NVL: variants seen among roughly 807,000 people sequenced by gnomAD.
NVL encodes the protein nuclear VCP like, also known as nuclear valosin-containing protein-like.
A neutral mutation model predicts 110.2 loss-of-function variants in NVL; 84 were observed. That is an observed-to-expected ratio of 0.76 (90% confidence interval 0.64 to 0.91). NVL has a LOEUF of 0.91. Ranked by LOEUF, NVL falls within the 40% of genes least tolerant of loss-of-function variation. The probability of loss-of-function intolerance (pLI) is 0.00; values close to 1 mark genes in which losing one functional copy is unlikely to be tolerated. For synonymous variants in NVL, 354 were observed against 361.1 expected (o/e 0.98, Z 0.22); for missense variants, 882 against 1,035.9 (o/e 0.85, Z 2.04).
intron 11 of NVL, among the ~76,000 whole-genome samples, chr1:224,295,255 C>A (rs1447639382): frequency 6.6e-6 from 1 of 151,840 alleles, no homozygotes; most frequent in Non-Finnish European, 1.5e-5. Context: ...TGCAGTGGCA[C>A]CATCTCAGCT....
chr1:224,241,673 T>C (rs1477552429), intron 19 of NVL, among the ~76,000 whole-genome samples: 2 of 152,058 alleles, frequency 1.3e-5, no homozygotes. Context: ...CTGGCCAATA[T>C]GGTGAAACAC....
At position 224,233,271 on chromosome 1, in the gene NVL, A is replaced by G. The variant is rs1487661348; in HGVS notation, c.2385T>C (p.Ala795=). The G allele has an allele frequency of 2.5e-6, 4 of 1,612,024 alleles. No individual in the cohort carries two copies. The highest frequency in any genetic ancestry group is 3.3e-5 in the Admixed American group (2 of 59,740). The change falls in exon 21 of 23, where the codon GCT becomes GCC. Residue 795 remains alanine (A), a synonymous_variant. Transcript: ENST00000281701. Reference sequence around the variant, plus strand: ...CACAGATAGAAGCTTCTCGTACCAAAGCAGAGAGATCTGCGCCCCTACAAT... The same window carrying G: ...CACAGATAGAAGCTTCTCGTACCAAGGCAGAGAGATCTGCGCCCCTACAAT... ...CDCYTGADLS[A]LVREASICAL...
intron 10 of NVL, 28 bp downstream of exon 10, chr1:224,300,534 A>G: frequency 6.5e-7 from 1 of 1,547,382 alleles, no homozygotes; most frequent in South Asian, 1.1e-5. Context: ...GCGTCTGACC[A>G]CCTGGCATTA....
chr1:224,244,809 T>G (rs1232379449), intron 19 of NVL, among the ~76,000 whole-genome samples: 1 of 152,044 alleles, frequency 6.6e-6, no homozygotes, highest in Non-Finnish European at 1.5e-5. Flanking sequence ...TGCCTCAGCC[T>G]CCTGAGTAGC....
Position 224,236,500 on chromosome 1 carries a change from AC to A in NVL, c.2366+5del. ...GAGTGAATTGACTTAAGATTTAAACACTTACGTATAGCAATCACAGCGAAGG... is the reference window on the plus strand; with the variant it reads ...GAGTGAATTGACTTAAGATTTAAACATTACGTATAGCAATCACAGCGAAGG... On this transcript the variant is annotated splice_donor_5th_base_variant and intron_variant, in intron 20 of 22. Transcript: ENST00000281701. 1 of 1,609,208 alleles carries A rather than the reference AC, an allele frequency of 6.2e-7. No homozygotes were observed. The highest frequency in any genetic ancestry group is 8.5e-7 in the Non-Finnish European group (1 of 1,175,556).
chr1:224,327,529 G>A (rs1572089001), intron 1 of NVL, among the ~76,000 whole-genome samples: 2 of 152,152 alleles, frequency 1.3e-5, no homozygotes, highest in Non-Finnish European at 2.9e-5. Flanking sequence ...CAGGCTATGT[G>A]TGTAAGGTGT....
In NVL at chr1:224,294,431, G is replaced by A; in HGVS notation, c.1181-20C>T. On this transcript the variant is annotated intron_variant, in intron 11 of 22. Transcript: ENST00000281701. ...TCAGATCTAGTAAGAGACAGAGAAA[G>A]AGTAGTGAACAAAGCACTTGACACT... The A allele has an allele frequency of 6.2e-6, 10 of 1,613,272 alleles. No homozygotes were observed. The highest frequency in any genetic ancestry group is 8.5e-6 in the Non-Finnish European group (10 of 1,179,712).
At chr1:224,319,409 G>A (rs1446886506) in intron 2 of NVL, among the ~76,000 whole-genome samples, 1 of 151,702 alleles carries the variant, frequency 6.6e-6, no homozygotes, top group East Asian at 2.0e-4. Flanking sequence ...CGGGGTTCAC[G>A]CCATTCTCCT....
intron 4 of NVL, among the ~76,000 whole-genome samples, chr1:224,313,367 A>T (rs146934166): frequency 9.9e-5 from 15 of 152,160 alleles, no homozygotes; most frequent in Middle Eastern, 3.4e-3. Context: ...AGAAGAAAAA[A>T]GTGTAAGTAA....
intron 19 of NVL, among the ~76,000 whole-genome samples, chr1:224,239,852 C>T (rs750771377): frequency 6.6e-6 from 1 of 152,032 alleles, no homozygotes; most frequent in Non-Finnish European, 1.5e-5. Flanking sequence ...TCAGAAATAC[C>T]GTTAAAGACA....
intron 16 of NVL, among the ~76,000 whole-genome samples, chr1:224,275,741 CA>C (rs202132174): frequency 1.3e-5 from 2 of 151,848 alleles, no homozygotes; most frequent in Non-Finnish European, 2.9e-5. Flanking sequence ...TTCTCTAGCT[CA>C]AAAAAAATCA....
At chr1:224,245,002 A>G (rs1661654704) in intron 19 of NVL, among the ~76,000 whole-genome samples, 1 of 152,126 alleles carries the variant, frequency 6.6e-6, no homozygotes. Flanking sequence ...CTCTTCTTTT[A>G]CAAAACTTAG....
At chr1:224,324,718 T>A (rs914914016) in intron 2 of NVL, among the ~76,000 whole-genome samples, 1 of 152,228 alleles carries the variant, frequency 6.6e-6, no homozygotes, top group African/African-American at 2.4e-5. Flanking sequence ...AGTCCTTGCA[T>A]CTGGCCTGAT....
rs1180947943 is a variant in NVL at position 224,289,699 on chromosome 1, G to A, written c.1360C>T (p.Pro454Ser). The change falls in exon 13 of 23, where the codon CCT becomes TCT. Residue 454 changes from proline to serine, a missense_variant. Coordinates refer to ENST00000281701, the MANE Select transcript of NVL (RefSeq NM_002533.4). ...LQTLCRKLRL[P>S]QAFDFCHLAH... ...AAGTGACAGAAATCAAAAGCTTGAG[G>A]AAGCCTCAGTTTTCTGCACAATGTT... 1.9e-6 allele frequency: 3 copies of A among 1,614,168 alleles called. No homozygotes were observed. Among genetic ancestry groups the A allele is most frequent in the Admixed American group, 1.7e-5 (1 of 60,022 alleles).
At chr1:224,276,872 T>C (rs1236984246) in intron 16 of NVL, among the ~76,000 whole-genome samples, 1 of 152,004 alleles carries the variant, frequency 6.6e-6, no homozygotes, top group Non-Finnish European at 1.5e-5. Context: ...ATATCAGCAA[T>C]TGTATATGGC....
intron 12 of NVL, among the ~76,000 whole-genome samples, chr1:224,290,385 G>A (rs999019697): frequency 2.0e-5 from 3 of 152,260 alleles, no homozygotes; most frequent in Non-Finnish European, 2.9e-5. Flanking sequence ...GGGCAGGTGC[G>A]GTGGCTCACA....
At chr1:224,291,308 C>A (rs192370353) in intron 12 of NVL, among the ~76,000 whole-genome samples, 1 of 152,136 alleles carries the variant, frequency 6.6e-6, no homozygotes, top group East Asian at 1.9e-4. Flanking sequence ...CAGGTTCAAG[C>A]GATTCTCCTG....
At chr1:224,229,640 A>G (rs1461125548) in intron 22 of NVL, among the ~76,000 whole-genome samples, 1 of 151,226 alleles carries the variant, frequency 6.6e-6, no homozygotes, top group Non-Finnish European at 1.5e-5. Context: ...AGTAGAGATG[A>G]GATTTCACTA....
chr1:224,252,957 T>C (rs6426088), intron 18 of NVL, among the ~76,000 whole-genome samples: 135,236 of 152,278 alleles, frequency 0.89, 60,317 homozygotes, highest in Admixed American at 0.93. Flanking sequence ...TTATACAATA[T>C]GTACTGTGCT....
Sources: gnomAD v4.1 joint callset for allele counts (sites outside exome capture counted in the v4.1 genomes callset) on GRCh38, gnomAD v4.1.1 for gene constraint, MANE v1.5 for transcripts, NCBI Gene and HGNC (gene_info 2026-07-23, HGNC 2026-07-21) for gene names.